The following MIAT variants were observed in gnomAD, a reference collection of about 807,000 sequenced individuals.
The protein encoded by MIAT is myocardial infarction associated transcript.
downstream of MIAT, chr22:26,669,750 G>A (rs1050170848): frequency 2.5e-6 from 1 of 398,902 alleles, no homozygotes; most frequent in African/African-American, 2.1e-5. Flanking sequence ...AGCAGACACG[G>A]AGAGTGGCAG....
chr22:26,667,520 G>A (rs1047710796), intron 5 of MIAT, among the ~76,000 whole-genome samples: 16 of 152,122 alleles, frequency 1.1e-4, no homozygotes, highest in Admixed American at 1.0e-3. Flanking sequence ...AAAGGCCTCT[G>A]AAAGTCCTTC....
chr22:26,665,326 G>C (rs1349514429), intron 3 of MIAT: 1 of 395,930 alleles, frequency 2.5e-6, no homozygotes. Context: ...GAGTACGTAG[G>C]AGTGAGAGAG....
At chr22:26,646,806 T>C (rs1479230699) in exon 1 of MIAT, 1 of 398,490 alleles carries the variant, frequency 2.5e-6, no homozygotes, top group African/African-American at 2.1e-5. Flanking sequence ...GTTTGTACTA[T>C]GAGGAATAAT....
At chr22:26,665,289 A>AAGAAAGAAAGAAAGAAAGAAAGAAAGAC in intron 3 of MIAT, among the ~76,000 whole-genome samples, 1 of 143,916 alleles carries the variant, frequency 6.9e-6, no homozygotes, top group South Asian at 2.3e-4. Context: ...GAAAGAAAGA[A>AAGAAAGAAAGAAAGAAAGAAAGAAAGAC]AAACAATTAA....
At chr22:26,653,667 G>A (rs1284763639) in intron 2 of MIAT, among the ~76,000 whole-genome samples, 1 of 152,176 alleles carries the variant, frequency 6.6e-6, no homozygotes, top group Non-Finnish European at 1.5e-5. Flanking sequence ...ACCTGACCAA[G>A]GACAAAGAAG....
chr22:26,649,850 T>C (rs1228828739), intron 2 of MIAT, among the ~76,000 whole-genome samples: 1 of 152,126 alleles, frequency 6.6e-6, no homozygotes, highest in Admixed American at 6.5e-5. Context: ...GAGGCAGAGC[T>C]TGTAGTGAGC....
intron 5 of MIAT, chr22:26,667,922 C>T: frequency 3.0e-6 from 1 of 334,254 alleles, no homozygotes; most frequent in Non-Finnish European, 5.4e-6. Flanking sequence ...CCTCCTTCCT[C>T]AGCCTCCCAA....
At chr22:26,653,213 C>A (rs910595157) in intron 2 of MIAT, among the ~76,000 whole-genome samples, 2 of 152,176 alleles carry the variant, frequency 1.3e-5, no homozygotes, top group African/African-American at 4.8e-5. Context: ...GTCTGGTCTA[C>A]CCCATGATGC....
chr22:26,658,637 G>A (rs939322849), intron 2 of MIAT, among the ~76,000 whole-genome samples: 2 of 152,202 alleles, frequency 1.3e-5, no homozygotes, highest in East Asian at 1.9e-4. Flanking sequence ...GGATTGTGCA[G>A]GAGGAGGCCT....
intron 2 of MIAT, among the ~76,000 whole-genome samples, chr22:26,659,840 C>CTTTTTTTTTTTTTTTTTTTTTT (rs1189391284): frequency 1.1e-5 from 1 of 94,968 alleles, no homozygotes; most frequent in African/African-American, 3.9e-5. Context: ...TTCTTTCTTT[C>CTTTTTTTTTTTTTTTTTTTTTT]TTTTTTTTTT....
chr22:26,668,627 A>G (rs1930937492), exon 6 of MIAT: 1 of 399,044 alleles, frequency 2.5e-6, no homozygotes, highest in Non-Finnish European at 4.4e-6. Flanking sequence ...GGGGACAGGA[A>G]CAAGGATGGG....
chr22:26,667,964 C>T, intron 5 of MIAT: 1 of 382,806 alleles, frequency 2.6e-6, no homozygotes, highest in Non-Finnish European at 4.6e-6. Flanking sequence ...AGTCACTGTG[C>T]CTGGCCTAAG....
downstream of MIAT, chr22:26,670,569 TTAAAG>T: frequency 2.6e-6 from 1 of 381,062 alleles, no homozygotes; most frequent in African/African-American, 2.3e-5. Context: ...AGGGAAATTC[TTAAAG>T]TAACTTCTAG....
At chr22:26,675,466 A>T (rs1222591418) in exon 5 of MIAT, 2 of 398,534 alleles carry the variant, frequency 5.0e-6, no homozygotes, top group Non-Finnish European at 8.8e-6. Context: ...GCCCAGGTGG[A>T]ACTCAGAGGA....
intron 2 of MIAT, chr22:26,663,259 G>A: frequency 2.5e-6 from 1 of 398,478 alleles, no homozygotes; most frequent in Non-Finnish European, 4.4e-6. Flanking sequence ...ATTCTCCACT[G>A]TACCCATGGG....
exon 5 of MIAT, chr22:26,675,760 G>C (rs114482082): frequency 5.0e-6 from 2 of 398,678 alleles, no homozygotes; most frequent in African/African-American, 4.1e-5. Flanking sequence ...CCATTGGGGA[G>C]GGAGCCCATT....
chr22:26,660,011 T>G (rs1930607878), intron 2 of MIAT, among the ~76,000 whole-genome samples: 1 of 151,388 alleles, frequency 6.6e-6, no homozygotes. Context: ...AATTTTTGGA[T>G]TTTTTGTAGA....
exon 4 of MIAT, chr22:26,665,943 G>A (rs544381308): frequency 7.5e-6 from 3 of 398,658 alleles, no homozygotes; most frequent in Admixed American, 4.4e-5. Flanking sequence ...ACTCCCTGAT[G>A]ATGTGAACCA....
chr22:26,672,225 C>T, downstream of MIAT: 1 of 399,270 alleles, frequency 2.5e-6, no homozygotes, highest in Non-Finnish European at 4.4e-6. Context: ...TTCTTACTAA[C>T]CCCAGCCCTG....
Sources: gnomAD v4.1 joint callset for allele counts (sites outside exome capture counted in the v4.1 genomes callset) on GRCh38, gnomAD v4.1.1 for gene constraint, MANE v1.5 for transcripts, NCBI Gene and HGNC (gene_info 2026-07-23, HGNC 2026-07-21) for gene names.